The following CP variants were observed in gnomAD, a reference collection of about 807,000 sequenced individuals.
CP encodes ceruloplasmin.
CP carries 64 observed loss-of-function variants against 122.4 expected under a neutral mutation model. The observed-to-expected ratio is 0.52, with a 90% CI of 0.43 to 0.64. The LOEUF is 0.64. CP is among the 30% of genes least tolerant of loss of function. CP has a pLI of 0.00. For missense variants in CP, 1,167 were observed against 1,284.4 expected (o/e 0.91, Z 1.40); for synonymous variants, 440 against 436.4 (o/e 1.01, Z -0.10).
At position 149,212,466 on chromosome 3, in the gene CP, A is replaced by T. The variant is rs769536510; in HGVS notation, c.379T>A (p.Tyr127Asn). 3.7e-6 allele frequency: 6 copies of T among 1,613,982 alleles called. No homozygotes were observed. The Admixed American group carries it at 1.0e-4, about 27-fold the overall frequency. ...YTFHSHGITY[Y>N]KEHEGAIYPD... ...CTGAACTTACCCTCATGTTCCTTATAGTAAGTTATTCCATGTGAATGAAAG... is the reference window on the plus strand; with the variant it reads ...CTGAACTTACCCTCATGTTCCTTATTGTAAGTTATTCCATGTGAATGAAAG... The change falls in exon 2 of 19, where the codon TAT becomes AAT. Residue 127 changes from tyrosine (Y) to asparagine (N), a missense_variant. This residue lies in a region of CP where 642 missense variants were observed against 627.3 expected (regional missense o/e 1.02). Coordinates refer to ENST00000264613, the MANE Select transcript of CP (RefSeq NM_000096.4).
chr3:149,187,632 G>T (rs1726261145), intron 10 of CP, among the ~76,000 whole-genome samples: 1 of 152,162 alleles, frequency 6.6e-6, no homozygotes. Context: ...TGTCATTTTT[G>T]AGCCAAAATG....
chr3:149,212,435 C>T lies in CP; in HGVS notation c.394+16G>A. The T allele has an allele frequency of 6.2e-7, 1 of 1,613,564 alleles. No homozygotes were observed. Among genetic ancestry groups the T allele is most frequent in the East Asian group, 2.2e-5 (1 of 44,826 alleles). ...GAAAAGTAAGAGGAAATTCCAGCTA[C>T]ATGAGCTGAACTTACCCTCATGTTC... On this transcript the variant is annotated intron_variant, in intron 2 of 18. Coordinates refer to ENST00000264613, the MANE Select transcript of CP (RefSeq NM_000096.4).
chr3:149,200,843 T>C (rs573955874), intron 7 of CP, among the ~76,000 whole-genome samples: 47 of 152,154 alleles, frequency 3.1e-4, no homozygotes, highest in African/African-American at 1.1e-3. Context: ...ACACAGCTAA[T>C]GTATGCACTG....
intron 8 of CP, 152 bp from the exon 9 acceptor site, chr3:149,198,730 A>G (rs1727085092): frequency 2.7e-6 from 2 of 735,954 alleles, no homozygotes; most frequent in Non-Finnish European, 4.8e-6. Context: ...GGTGTCAGAT[A>G]ACAGACCGAT....
intron 9 of CP, among the ~76,000 whole-genome samples, chr3:149,195,712 C>T (rs961054145): frequency 2.0e-5 from 3 of 151,670 alleles, no homozygotes; most frequent in Admixed American, 6.6e-5. Context: ...AAATACAAAA[C>T]AAAATTAGCT....
In CP at chr3:149,209,396, G is replaced by A. The variant is rs554237003; in HGVS notation, c.608-12C>T. The A allele has an allele frequency of 2.5e-6, 4 of 1,611,308 alleles. No homozygotes were observed. In the South Asian group the frequency reaches 4.4e-5, roughly 18 times the overall value. ...TTTATCTAGAGAATCTGGAGTTAAA[G>A]TTACTATTTTAGCAAGACTAAACTT... On this transcript the variant is annotated splice_polypyrimidine_tract_variant and intron_variant, in intron 3 of 18. Transcript: ENST00000264613.
chr3:149,201,518 C>T (rs1176717545), intron 7 of CP, among the ~76,000 whole-genome samples: 6 of 152,186 alleles, frequency 3.9e-5, no homozygotes, highest in African/African-American at 1.2e-4. Context: ...AAACACACAA[C>T]ACACAATTCC....
At chr3:149,217,788 C>A in intron 1 of CP, 1 of 227,960 alleles carries the variant, frequency 4.4e-6, no homozygotes, top group Admixed American at 5.7e-5. Context: ...TTTTTGATAA[C>A]AATAGTGAAA....
intron 10 of CP, 36 bp downstream of exon 10, chr3:149,188,016 A>G (rs760233755): frequency 6.2e-7 from 1 of 1,609,698 alleles, no homozygotes; most frequent in Non-Finnish European, 8.5e-7. Flanking sequence ...CAGTACTAAA[A>G]TAACTTGGTA....
chr3:149,168,356 A>T (rs139992195), downstream of CP: 667 of 213,218 alleles, frequency 3.1e-3, 3 homozygotes, highest in Middle Eastern at 6.3e-3. Context: ...AAACATAATT[A>T]TAAGCAAGTA....
intron 1 of CP, 116 bp downstream of exon 1, chr3:149,221,531 C>T: frequency 1.1e-6 from 1 of 913,144 alleles, no homozygotes; most frequent in Non-Finnish European, 1.6e-6. Flanking sequence ...GGGTTTCAAG[C>T]CCACATTTTG....
chr3:149,191,034 G>C (rs1419796808), intron 9 of CP, among the ~76,000 whole-genome samples: 1 of 152,118 alleles, frequency 6.6e-6, no homozygotes, highest in Non-Finnish European at 1.5e-5. Flanking sequence ...TTTATTTGTA[G>C]TTGATCACAT....
At chr3:149,210,041 C>T in intron 3 of CP, 126 bp downstream of exon 3, 4 of 863,288 alleles carry the variant, frequency 4.6e-6, no homozygotes, top group Admixed American at 4.6e-5. Flanking sequence ...TCCTTTTTTT[C>T]TACTTACCAC....
In CP at chr3:149,207,425, T is replaced by C. The variant is rs1206567633; in HGVS notation, c.974A>G (p.Tyr325Cys). The C allele has an allele frequency of 1.2e-6, 2 of 1,613,994 alleles. No individual in the cohort carries two copies. The change falls in exon 5 of 19, where the codon TAT becomes TGT. Residue 325 changes from tyrosine to cysteine, a missense_variant. Tyr to Cys is a radical substitution (Grantham distance 194). Around this residue, in one of 2 missense-constraint regions of CP, gnomAD observed 642 missense variants for 627.3 expected, o/e 1.02. Coordinates refer to ENST00000264613, the MANE Select transcript of CP (RefSeq NM_000096.4). The stretch of plus-strand genomic sequence containing the variant: ...TTCTCCAGGGTTCTGGGCCACCATA[T>C]AAGCATCAAACAGGGTAGCAGGAAA... ...NLFPATLFDA[Y>C]MVAQNPGEWM...
At chr3:149,194,623 A>G (rs867790075) in intron 9 of CP, among the ~76,000 whole-genome samples, 4 of 151,838 alleles carry the variant, frequency 2.6e-5, no homozygotes, top group Admixed American at 1.3e-4. Context: ...TTAAAAAAAA[A>G]TCCAAGATCC....
intron 1 of CP, among the ~76,000 whole-genome samples, chr3:149,217,441 A>T (rs954467715): frequency 1.4e-4 from 22 of 152,166 alleles, no homozygotes; most frequent in Non-Finnish European, 2.9e-5. Context: ...TGAAACTTCG[A>T]ATCTGTAACT....
chr3:149,200,988 T>C lies in CP; in HGVS notation c.1348+1114A>G, dbSNP rs569576664. Among the ~76,000 whole-genome samples the C allele has an allele frequency of 8.5e-5, 13 of 152,266 alleles. 1 individual carries two copies. Among genetic ancestry groups the C allele is most frequent in the African/African-American group, 3.1e-4 (13 of 41,554 alleles). On this transcript the variant is annotated intron_variant, in intron 7 of 18. Coordinates refer to ENST00000264613, the MANE Select transcript of CP (RefSeq NM_000096.4). ...CAGGACAATCTGAATCCATACTCTG[T>C]TTGCTCACCCACTGTTATTCTGCCT...
downstream of CP, among the ~76,000 whole-genome samples, chr3:149,171,448 G>A (rs62275033): frequency 0.026 from 3,922 of 152,138 alleles, 75 homozygotes; most frequent in Non-Finnish European, 0.042. Flanking sequence ...AATTAGCTTA[G>A]TATAGACATA....
downstream of CP, among the ~76,000 whole-genome samples, chr3:149,170,762 T>C (rs1338720293): frequency 6.6e-6 from 1 of 152,222 alleles, no homozygotes; most frequent in Non-Finnish European, 1.5e-5. Flanking sequence ...ATCTTATATT[T>C]CACTTACTCT....
Sources: allele counts gnomAD v4.1 joint callset (sites outside exome capture counted in the v4.1 genomes callset), GRCh38; gene constraint gnomAD v4.1.1; regional missense constraint gnomAD v4.1.1; transcripts MANE v1.5; gene names NCBI Gene and HGNC (gene_info 2026-07-23, HGNC 2026-07-21).